Variants in ERBB4 observed in about 807,000 individuals in gnomAD.
ERBB4 encodes the protein receptor tyrosine-protein kinase erbB-4.
In ERBB4, 42 loss-of-function variants were observed where a neutral mutation model predicts 158.0. The observed-to-expected ratio is 0.27, with a 90% CI of 0.21 to 0.34. ERBB4 has a LOEUF of 0.34. ERBB4 is among the 10% of genes least tolerant of loss of function. ERBB4 has a pLI of 1.00. For synonymous variants in ERBB4, 583 were observed against 558.7 expected, an observed-to-expected ratio of 1.04 and a Z score of -0.61; for missense variants, 1,333 against 1,624.1, an observed-to-expected ratio of 0.82 and a Z score of 3.08.
chr2:211,815,796 T>G (rs2076870319), intron 3 of ERBB4, among the ~76,000 whole-genome samples: 1 of 152,154 alleles, frequency 6.6e-6, no homozygotes, highest in South Asian at 2.1e-4. Flanking sequence ...CATATAATCA[T>G]CTGCCAGCGC....
At chr2:212,352,524 T>C (rs1381211963) in intron 1 of ERBB4, among the ~76,000 whole-genome samples, 1 of 152,096 alleles carries the variant, frequency 6.6e-6, no homozygotes, top group Non-Finnish European at 1.5e-5. Flanking sequence ...CTTAGATTCA[T>C]TAAATGAAGT....
intron 3 of ERBB4, among the ~76,000 whole-genome samples, chr2:211,815,298 A>G (rs1245102034): frequency 1.3e-5 from 2 of 152,214 alleles, no homozygotes; most frequent in African/African-American, 4.8e-5. Context: ...TAGTTATTCA[A>G]AACAATATTT....
At chr2:212,216,704 T>G (rs2083110233) in intron 1 of ERBB4, among the ~76,000 whole-genome samples, 6 of 151,348 alleles carry the variant, frequency 4.0e-5, no homozygotes. Flanking sequence ...TGTGAAGCTG[T>G]TATCTACTAT....
chr2:212,199,991 A>G (rs2105899881), intron 1 of ERBB4, among the ~76,000 whole-genome samples: 1 of 152,352 alleles, frequency 6.6e-6, no homozygotes, highest in South Asian at 2.1e-4. Flanking sequence ...CTAGGTAACT[A>G]GAACTGAAGA....
chr2:211,650,267 G>A (rs909076590), intron 16 of ERBB4, among the ~76,000 whole-genome samples: 1 of 151,992 alleles, frequency 6.6e-6, no homozygotes, highest in Non-Finnish European at 1.5e-5. Flanking sequence ...TTTTGGTTAA[G>A]TATTGTTCAT....
intron 1 of ERBB4, among the ~76,000 whole-genome samples, chr2:212,304,910 ATG>A (rs2086753959): frequency 6.6e-6 from 1 of 151,296 alleles, no homozygotes; most frequent in African/African-American, 2.4e-5. Flanking sequence ...TTGTGTGTAT[ATG>A]TTAGTATATA....
intron 2 of ERBB4, among the ~76,000 whole-genome samples, chr2:212,010,123 T>C (rs12477159): frequency 0.053 from 8,033 of 152,252 alleles, 267 homozygotes; most frequent in South Asian, 0.11. Context: ...CAAGACAGTG[T>C]TAAGTGCCTC....
intron 1 of ERBB4, among the ~76,000 whole-genome samples, chr2:212,240,121 T>C (rs2084028491): frequency 6.6e-6 from 1 of 152,190 alleles, no homozygotes; most frequent in African/African-American, 2.4e-5. Flanking sequence ...ATTTGATCTA[T>C]TTGATCTTCC....
chr2:212,141,821 T>A (rs1287493300), intron 1 of ERBB4, among the ~76,000 whole-genome samples: 1 of 152,164 alleles, frequency 6.6e-6, no homozygotes, highest in Admixed American at 6.5e-5. Context: ...TCCCTGCTTT[T>A]CTTCTTGTCT....
chr2:212,151,726 T>C (rs1220288843), intron 1 of ERBB4, among the ~76,000 whole-genome samples: 1 of 151,802 alleles, frequency 6.6e-6, no homozygotes, highest in Non-Finnish European at 1.5e-5. Flanking sequence ...CTGTCTCTAC[T>C]AAAAATACAA....
chr2:212,190,550 A>G (rs4993337), intron 1 of ERBB4, among the ~76,000 whole-genome samples: 7,630 of 146,960 alleles, frequency 0.052, 276 homozygotes, highest in Non-Finnish European at 0.078. Context: ...AAAAAAAAAA[A>G]AAGAAGAAGA....
At chr2:212,335,438 A>AT (rs2088387735) in intron 1 of ERBB4, among the ~76,000 whole-genome samples, 2 of 152,094 alleles carry the variant, frequency 1.3e-5, no homozygotes, top group South Asian at 2.1e-4. Flanking sequence ...AATTAGGGTA[A>AT]TTTTTTTAAT....
chr2:212,270,924 G>A (rs994310476), intron 1 of ERBB4, among the ~76,000 whole-genome samples: 9 of 151,736 alleles, frequency 5.9e-5, no homozygotes, highest in African/African-American at 9.7e-5. Context: ...ATCGTGGAAC[G>A]GAGGCATGCC....
At chr2:212,323,140 C>T (rs1167394356) in intron 1 of ERBB4, among the ~76,000 whole-genome samples, 1 of 150,516 alleles carries the variant, frequency 6.6e-6, no homozygotes, top group East Asian at 1.9e-4. Flanking sequence ...TTCCATAACA[C>T]AAAATTGCTT....
chr2:212,412,430 A>G (rs1202138327), intron 1 of ERBB4, among the ~76,000 whole-genome samples: 2 of 150,680 alleles, frequency 1.3e-5, no homozygotes, highest in Non-Finnish European at 3.0e-5. Flanking sequence ...CCTCCCCACG[A>G]CTCCTTCTCT....
At chr2:211,837,373 A>T (rs1257855278) in intron 3 of ERBB4, among the ~76,000 whole-genome samples, 2 of 152,126 alleles carry the variant, frequency 1.3e-5, no homozygotes, top group African/African-American at 4.8e-5. Flanking sequence ...ACTCCTCTCA[A>T]GTACATAAAG....
At chr2:211,601,510 A>G (rs1279089014) in intron 19 of ERBB4, among the ~76,000 whole-genome samples, 1 of 152,028 alleles carries the variant, frequency 6.6e-6, no homozygotes, top group Admixed American at 6.6e-5. Flanking sequence ...AAAAGCCCCA[A>G]CTTTCATTGC....
intron 20 of ERBB4, among the ~76,000 whole-genome samples, chr2:211,468,465 G>C (rs917629650): frequency 6.6e-6 from 1 of 152,172 alleles, no homozygotes; most frequent in African/African-American, 2.4e-5. Context: ...GATGAGGGCT[G>C]TTTGATAGAG....
intron 1 of ERBB4, among the ~76,000 whole-genome samples, chr2:212,156,418 T>C (rs932872583): frequency 6.6e-5 from 10 of 152,108 alleles, no homozygotes; most frequent in African/African-American, 2.4e-4. Flanking sequence ...AAGTGGTGGA[T>C]AGGAAAATAA....
Sources: gnomAD v4.1 joint callset for allele counts (sites outside exome capture counted in the v4.1 genomes callset) on GRCh38, gnomAD v4.1.1 for gene constraint, MANE v1.5 for transcripts, NCBI Gene and HGNC (gene_info 2026-07-23, HGNC 2026-07-21) for gene names.